HMGN2: variants seen among roughly 807,000 people sequenced by gnomAD.
The protein encoded by HMGN2 is non-histone chromosomal protein HMG-17.
A neutral mutation model predicts 16.9 loss-of-function variants in HMGN2; 2 were observed. The observed-to-expected ratio is 0.12, with a 90% CI of 0.05 to 0.37. The LOEUF (loss-of-function observed/expected upper bound fraction) is 0.37, where lower values mean the gene tolerates loss of function less well. HMGN2 is among the 10% of genes least tolerant of loss of function. HMGN2 has a pLI of 1.00. For missense variants in HMGN2, 90 were observed against 106.0 expected, an observed-to-expected ratio of 0.85 and a Z score of 0.66; for synonymous variants, 31 against 34.9, an observed-to-expected ratio of 0.89 and a Z score of 0.39.
intron 1 of HMGN2, 29 bp downstream of exon 1, chr1:26,472,656 G>GGCCACCACT: frequency 1.3e-6 from 2 of 1,521,976 alleles, no homozygotes; most frequent in Non-Finnish European, 1.8e-6. Context: ...CCAGGCGCCG[G>GGCCACCACT]GCCACCACTG....
chr1:26,473,071 CCCTCGCCCACGTT>C (rs1461932991), intron 1 of HMGN2: 8 of 251,352 alleles, frequency 3.2e-5, no homozygotes, highest in Middle Eastern at 2.6e-3. Flanking sequence ...TGGCCCCGCC[CCCTCGCCCACGTT>C]CCCCGCGCAC....
In HMGN2 at chr1:26,476,171, CT is replaced by C. The variant is rs1394935140; in HGVS notation, c.*1024del. On this transcript the variant is annotated 3_prime_UTR_variant, in exon 6 of 6. Transcript: ENST00000361427. ...AGTAGACTTAGCTGATGGTGAAAGG[CT>C]GGGAGTATGGAGTGATTTCTGTACT... Among the ~76,000 whole-genome samples, 3 of 152,170 alleles carry C rather than the reference CT, an allele frequency of 2.0e-5. No homozygotes were observed. Among genetic ancestry groups the C allele is most frequent in the Non-Finnish European group, 4.4e-5 (3 of 68,028 alleles).
Position 26,475,287 on chromosome 1 carries a change from A to G in HMGN2, c.*139A>G. ...AAAAGCTATGTTGTTAGCACACAGA[A>G]CACTTCATTGTTGTTTTTGGGGGAA... On this transcript the variant is annotated 3_prime_UTR_variant, in exon 6 of 6. Coordinates refer to ENST00000361427, the MANE Select transcript of HMGN2 (RefSeq NM_005517.4). The G allele has an allele frequency of 3.5e-6, 2 of 572,082 alleles. No individual in the cohort carries two copies. The highest frequency in any genetic ancestry group is 6.2e-6 in the Non-Finnish European group (2 of 324,216). The allele number at this position is 572,082 out of a possible 1,614,324, so 35.4% of individuals were successfully genotyped here. A position where few individuals can be genotyped will look rare whatever the true frequency, so the allele number is the denominator to read the frequency against.
chr1:26,473,450 A>G (rs2255389), intron 1 of HMGN2, 33 bp from the exon 2 acceptor site: 81,983 of 1,562,434 alleles, frequency 0.052, 2,712 homozygotes, highest in Admixed American at 0.13. Flanking sequence ...AACCACCTCA[A>G]AATCTGCAGT....
chr1:26,475,245 A>G lies in HMGN2; in HGVS notation c.*97A>G. The G allele has an allele frequency of 1.3e-6, 1 of 796,544 alleles. No homozygotes were observed. Among genetic ancestry groups the G allele is most frequent in the South Asian group, 2.0e-5 (1 of 49,454 alleles). 49.3% of individuals were successfully genotyped at this position (796,544 alleles called of 1,614,324 possible). ...TTATAAAAATGCAGAATTTTGTTTTACTTTTTTTTTTTTTTTAAAAGCTAT... is the reference window on the plus strand; with the variant it reads ...TTATAAAAATGCAGAATTTTGTTTTGCTTTTTTTTTTTTTTTAAAAGCTAT... On this transcript the variant is annotated 3_prime_UTR_variant, in exon 6 of 6. Coordinates refer to ENST00000361427, the MANE Select transcript of HMGN2 (RefSeq NM_005517.4).
At position 26,472,556 on chromosome 1, in the gene HMGN2, C is replaced by A; in HGVS notation, c.-57C>A. 1 of 1,534,126 alleles carries A rather than the reference C, an allele frequency of 6.5e-7. No individual in the cohort carries two copies. Among genetic ancestry groups the A allele is most frequent in the South Asian group, 1.2e-5 (1 of 84,174 alleles). ...CGACCCCCGGACCGACCAAAGCCCG[C>A]GCGCCGCTGCATCCCGCGTCCAGCA... On this transcript the variant is annotated 5_prime_UTR_variant, in exon 1 of 6. Transcript: ENST00000361427.
chr1:26,473,022 CA>C (rs1324290073), intron 1 of HMGN2, among the ~76,000 whole-genome samples: 2 of 74,330 alleles, frequency 2.7e-5, no homozygotes, highest in Non-Finnish European at 5.3e-5. Flanking sequence ...GCGCTGCCGC[CA>C]AAAAACCGCC....
chr1:26,475,099 C>T lies in HMGN2; in HGVS notation c.238-14C>T. On this transcript the variant is annotated splice_polypyrimidine_tract_variant and intron_variant, in intron 5 of 5. Coordinates refer to ENST00000361427, the MANE Select transcript of HMGN2 (RefSeq NM_005517.4). ...AAATCTACGCATTGCATTAATTTGT[C>T]TGTTTTCTTTTAGGCACAGAAAGCT... 2 of 1,606,914 alleles carry T rather than the reference C, an allele frequency of 1.2e-6. No individual in the cohort carries two copies. The highest frequency in any genetic ancestry group is 2.2e-5 in the East Asian group (1 of 44,842).
At chr1:26,472,716 C>G in intron 1 of HMGN2, 89 bp downstream of exon 1, 1 of 1,226,892 alleles carries the variant, frequency 8.2e-7, no homozygotes, top group Non-Finnish European at 1.1e-6. Flanking sequence ...GAATCGGCGC[C>G]GAGCAGGAGC....
At position 26,474,631 on chromosome 1, in the gene HMGN2, TAAC is replaced by T; in HGVS notation, c.202_204del (p.Asn68del). 6.3e-7 allele frequency: 1 copy of T among 1,587,502 alleles called. No homozygotes were observed. Among genetic ancestry groups the T allele is most frequent in the South Asian group, 1.1e-5 (1 of 89,934 alleles). On this transcript the variant is annotated inframe_deletion, in exon 5 of 6. Transcript: ENST00000361427. ...AAGCTGATGCTGGCAAGGAGGGGAA[TAAC>T]CCTGCAGAAAATGGAGATGCCAAAA... is the stretch of plus-strand genomic sequence containing the variant.
rs1008688731 is a variant in HMGN2, at chr1:26,475,251, T to G, written c.*103T>G. The G allele has an allele frequency of 1.2e-6, 1 of 821,252 alleles. No individual in the cohort carries two copies. The highest frequency in any genetic ancestry group is 1.9e-6 in the Non-Finnish European group (1 of 519,088). The allele number at this position is 821,252 out of a possible 1,614,324, so 50.9% of individuals were successfully genotyped here. On this transcript the variant is annotated 3_prime_UTR_variant, in exon 6 of 6. Transcript: ENST00000361427. ...AAATGCAGAATTTTGTTTTACTTTT[T>G]TTTTTTTTTTAAAAGCTATGTTGTT... is the stretch of plus-strand genomic sequence containing the variant.
At chr1:26,473,941 A>C (rs1570378719) in intron 3 of HMGN2, 144 bp from the exon 4 acceptor site, 1 of 805,666 alleles carries the variant, frequency 1.2e-6, no homozygotes, top group African/African-American at 1.7e-5. Context: ...TGGAAATCCA[A>C]CATTCTAGAA....
Position 26,472,603 on chromosome 1 carries a change from C to T in HMGN2, c.-10C>T, listed in dbSNP as rs775359252. The T allele has an allele frequency of 8.5e-6, 13 of 1,535,036 alleles. No individual in the cohort carries two copies. The Middle Eastern group carries it at 6.6e-4, about 78-fold the overall frequency. The stretch of plus-strand genomic sequence containing the variant: ...AGCACCTACGTCCCGCTGCCGTCGC[C>T]GCCGCCACCATGCCCAAGAGAAAGG... On this transcript the variant is annotated 5_prime_UTR_variant, in exon 1 of 6. Transcript: ENST00000361427.
chr1:26,475,055 G>T, intron 5 of HMGN2, 58 bp from the exon 6 acceptor site: 1 of 1,410,304 alleles, frequency 7.1e-7, no homozygotes, highest in Non-Finnish European at 1.0e-6. Flanking sequence ...TAGGTGGAAT[G>T]TGAACACAGA....
Position 26,474,074 on chromosome 1 carries a change from G to A in HMGN2, c.91-11G>A. 1 of 1,607,830 alleles carries A rather than the reference G, an allele frequency of 6.2e-7. No homozygotes were observed. The highest frequency in any genetic ancestry group is 8.5e-7 in the Non-Finnish European group (1 of 1,177,816). On this transcript the variant is annotated splice_polypyrimidine_tract_variant and intron_variant, in intron 3 of 5. Transcript: ENST00000361427. ...GATGTTCACTTTTTCCTCTCTTCCT[G>A]CCAAAAAAAGAAACCTGCTCCTCCA...
At chr1:26,474,942 G>A (rs2075598459) in intron 5 of HMGN2, 171 bp from the exon 6 acceptor site, 1 of 628,580 alleles carries the variant, frequency 1.6e-6, no homozygotes, top group East Asian at 2.7e-5. Flanking sequence ...GAGGCCCAGA[G>A]GAGAGGTGAC....
In HMGN2 at chr1:26,475,438, A is replaced by C. The variant is rs1192573233; in HGVS notation, c.*290A>C. 2 of 342,726 alleles carry C rather than the reference A, an allele frequency of 5.8e-6. No homozygotes were observed. The highest frequency in any genetic ancestry group is 1.1e-5 in the Non-Finnish European group (2 of 185,486). 21.2% of individuals were successfully genotyped at this position (342,726 alleles called of 1,614,324 possible). On this transcript the variant is annotated 3_prime_UTR_variant, in exon 6 of 6. Transcript: ENST00000361427. The stretch of plus-strand genomic sequence containing the variant: ...GAGGGATTCCCTGACTTTGACACAC[A>C]TGGCCACCTTGGCACAAAAGCCTTG...
Position 26,475,901 on chromosome 1 carries a change from T to C in HMGN2, c.*753T>C, listed in dbSNP as rs9659913. 4.1e-6 allele frequency: 1 copy of C among 242,556 alleles called. No homozygotes were observed. The highest frequency in any genetic ancestry group is 1.5e-4 in the East Asian group (1 of 6,696). 15.0% of individuals were successfully genotyped at this position (242,556 alleles called of 1,614,324 possible). A position where few individuals can be genotyped will look rare whatever the true frequency, so the allele number is the denominator to read the frequency against. ...TATACTGTTAACGATTGTCTGCCCA[T>C]GTCCTGCCTGAAATACCATGATTGT... is the stretch of plus-strand genomic sequence containing the variant. On this transcript the variant is annotated 3_prime_UTR_variant, in exon 6 of 6. Coordinates refer to ENST00000361427, the MANE Select transcript of HMGN2 (RefSeq NM_005517.4).
At position 26,476,325 on chromosome 1, in the gene HMGN2, A is replaced by G. The variant is rs1043731414; in HGVS notation, c.*1177A>G. On this transcript the variant is annotated 3_prime_UTR_variant, in exon 6 of 6. Coordinates refer to ENST00000361427, the MANE Select transcript of HMGN2 (RefSeq NM_005517.4). Reference sequence around the variant, plus strand: ...AGCTGACAGGAGCCTCTCTACTTCCATCTGCATTTGCAACTTCTATAAAAT... The same window carrying G: ...AGCTGACAGGAGCCTCTCTACTTCCGTCTGCATTTGCAACTTCTATAAAAT... Among the ~76,000 whole-genome samples, 4 of 152,222 alleles carry G rather than the reference A, an allele frequency of 2.6e-5. No homozygotes were observed. Among genetic ancestry groups the G allele is most frequent in the Non-Finnish European group, 4.4e-5 (3 of 68,038 alleles).
Sources: gnomAD v4.1 joint callset for allele counts (sites outside exome capture counted in the v4.1 genomes callset) on GRCh38, gnomAD v4.1.1 for gene constraint, MANE v1.5 for transcripts, NCBI Gene and HGNC (gene_info 2026-07-23, HGNC 2026-07-21) for gene names.